EBNA1BP2: variants seen among roughly 807,000 people sequenced by gnomAD.
EBNA1BP2 encodes the protein EBNA1 binding protein 2, also known as probable rRNA-processing protein EBP2.
In EBNA1BP2, 36 loss-of-function variants were observed where a neutral mutation model predicts 43.5. The observed-to-expected ratio is 0.83, with a 90% CI of 0.63 to 1.09. EBNA1BP2 has a LOEUF of 1.09. Among genes scored for constraint, EBNA1BP2 ranks in the 50% least tolerant of loss-of-function variants. EBNA1BP2 has a pLI of 0.00. For synonymous variants in EBNA1BP2, 127 were observed against 141.3 expected, an observed-to-expected ratio of 0.90 and a Z score of 0.72; for missense variants, 332 against 379.1, an observed-to-expected ratio of 0.88 and a Z score of 1.03.
At chr1:43,166,490 T>C (rs1399407190) in intron 7 of EBNA1BP2, among the ~76,000 whole-genome samples, 1 of 152,090 alleles carries the variant, frequency 6.6e-6, no homozygotes, top group Non-Finnish European at 1.5e-5. Context: ...GCACCTGTAG[T>C]TCCAGCTACT....
Position 43,167,227 on chromosome 1 carries a change from C to G in EBNA1BP2, c.546G>C (p.Thr182=). The change falls in exon 6 of 9, where the codon ACG becomes ACC. Residue 182 remains threonine, a synonymous_variant. Coordinates refer to ENST00000236051, the MANE Select transcript of EBNA1BP2 (RefSeq NM_006824.3). ...CCTGCTGCCTCTTCTGAAGAACCTC[C>G]GTTTGCACCTGTGATATGAACACAA... ...ALRKYGKKVQ[T]EVLQKRQQEK... is the part of the protein sequence containing the mutation. 1 of 1,614,094 alleles carries G rather than the reference C, an allele frequency of 6.2e-7. No homozygotes were observed. Among genetic ancestry groups the G allele is most frequent in the Non-Finnish European group, 8.5e-7 (1 of 1,180,016 alleles).
At chr1:43,171,430 C>T (rs1644968851) in intron 3 of EBNA1BP2, 49 bp downstream of exon 3, 11 of 1,567,610 alleles carry the variant, frequency 7.0e-6, no homozygotes, top group African/African-American at 1.4e-5. Flanking sequence ...CTTTCCCACT[C>T]TCCTGCACAA....
Position 43,172,113 on chromosome 1 carries a change from G to T in EBNA1BP2, c.6C>A (p.Asp2Glu), listed in dbSNP as rs1017342574. M[D>E]TPPLSDSESE... The stretch of plus-strand genomic sequence containing the variant: ...ACTCCGAATCCGAGAGCGGGGGAGT[G>T]TCCATCTCGCCGCACGCACGTCCCA... Residue 2 changes from aspartate (D) to glutamate (E), a missense_variant, in exon 1 of 9, where the codon GAC becomes GAA. Coordinates refer to ENST00000236051, the MANE Select transcript of EBNA1BP2 (RefSeq NM_006824.3). 1.9e-6 allele frequency: 3 copies of T among 1,613,974 alleles called. No homozygotes were observed. The African/African-American group carries it at 4.0e-5, about 22-fold the overall frequency.
At chr1:43,164,601 A>C (rs375913443) in intron 8 of EBNA1BP2, 42 bp downstream of exon 8, 5 of 1,613,562 alleles carry the variant, frequency 3.1e-6, no homozygotes, top group Non-Finnish European at 3.4e-6. Flanking sequence ...GTGGGAGGGG[A>C]GGCTGAGCCT....
Position 43,164,757 on chromosome 1 carries a change from T to G in EBNA1BP2, c.756A>C (p.Gly252=), listed in dbSNP as rs1489826447. 1 of 1,614,240 alleles carries G rather than the reference T, an allele frequency of 6.2e-7. No homozygotes were observed. ...RYKNQKFGFG[G]KKKGSKWNTR... ...TGTTCCACTTTGAGCCTTTCTTCTT[T>G]CCACCAAAACCAAACTTCTGGTTTT... Residue 252 remains glycine, a synonymous_variant, in exon 8 of 9, where the codon GGA becomes GGC. Coordinates refer to ENST00000236051, the MANE Select transcript of EBNA1BP2 (RefSeq NM_006824.3).
intron 4 of EBNA1BP2, among the ~76,000 whole-genome samples, chr1:43,169,350 T>G (rs1468992562): frequency 6.6e-6 from 1 of 152,224 alleles, no homozygotes; most frequent in Non-Finnish European, 1.5e-5. Context: ...GAAACCAGTA[T>G]GCGGCCTCAG....
At chr1:43,171,107 A>G in intron 3 of EBNA1BP2, 1 of 551,650 alleles carries the variant, frequency 1.8e-6, no homozygotes, top group African/African-American at 2.0e-5. Flanking sequence ...GTTTAAGAGA[A>G]TGACTACTCT....
intron 4 of EBNA1BP2, among the ~76,000 whole-genome samples, chr1:43,170,268 C>A (rs543804528): frequency 6.6e-6 from 1 of 152,190 alleles, no homozygotes. Context: ...TGTTGGATTA[C>A]ATGCTGGCAA....
At chr1:43,167,283 C>T (rs1233283768) in intron 5 of EBNA1BP2, 48 bp from the exon 6 acceptor site, 1 of 1,552,264 alleles carries the variant, frequency 6.4e-7, no homozygotes, top group Non-Finnish European at 8.9e-7. Context: ...TACCATTACT[C>T]CAGTGTCTAC....
intron 7 of EBNA1BP2, among the ~76,000 whole-genome samples, chr1:43,166,327 G>C (rs1277808025): frequency 2.0e-5 from 3 of 152,168 alleles, no homozygotes; most frequent in African/African-American, 7.2e-5. Context: ...TACCTTCTTA[G>C]GATGGGTGCA....
chr1:43,168,941 T>A lies in EBNA1BP2; in HGVS notation c.535A>T (p.Lys179Ter). The A allele has an allele frequency of 6.2e-7, 1 of 1,614,130 alleles. No individual in the cohort carries two copies. Among genetic ancestry groups the A allele is most frequent in the Non-Finnish European group, 8.5e-7 (1 of 1,180,004 alleles). The change falls in exon 5 of 9, where the codon AAG becomes TAG. Residue 179 changes from lysine to a stop codon, truncating the protein, a stop_gained and splice_region_variant. Transcript: ENST00000236051. LOFTEE classifies it high-confidence loss of function. Reference protein sequence around the residue: ...QLRALRKYGKKVQTEVLQKRQ... With the variant: ...QLRALRKYGK ...TCCCTGCACACTTTTCTTCTCACCT[T>A]CTTCCCGTATTTCCTAAGTGCTCGC...
At position 43,172,210 on chromosome 1, in the gene EBNA1BP2, T is replaced by G; in HGVS notation, c.-92A>C. On this transcript the variant is annotated 5_prime_UTR_variant, in exon 1 of 9. Transcript: ENST00000236051. ...GAGGGCGGCCCTGGCCGCTGCTGCC[T>G]GCCTTCAGCCCCCTACTCCCACGCC... 1 of 1,590,532 alleles carries G rather than the reference T, an allele frequency of 6.3e-7. No homozygotes were observed. The highest frequency in any genetic ancestry group is 8.6e-7 in the Non-Finnish European group (1 of 1,167,646).
chr1:43,166,946 A>G (rs1030179043), intron 6 of EBNA1BP2, 27 bp from the exon 7 acceptor site: 2 of 1,603,754 alleles, frequency 1.2e-6, no homozygotes, highest in Admixed American at 1.7e-5. Flanking sequence ...AGTTTTGATC[A>G]GCACCATTGT....
In EBNA1BP2 at chr1:43,172,132, C is replaced by A. The variant is rs780739872; in HGVS notation, c.-14G>T. 4 of 1,614,134 alleles carry A rather than the reference C, an allele frequency of 2.5e-6. No individual in the cohort carries two copies. Among genetic ancestry groups the A allele is most frequent in the Non-Finnish European group, 3.4e-6 (4 of 1,180,024 alleles). Reference sequence around the variant, plus strand: ...GGGAGTGTCCATCTCGCCGCACGCACGTCCCACACCTACAGGAAGAAACGG... The same window carrying A: ...GGGAGTGTCCATCTCGCCGCACGCAAGTCCCACACCTACAGGAAGAAACGG... On this transcript the variant is annotated 5_prime_UTR_variant, in exon 1 of 9. Transcript: ENST00000236051.
chr1:43,166,031 C>T (rs1037706158), intron 7 of EBNA1BP2, among the ~76,000 whole-genome samples: 5 of 152,192 alleles, frequency 3.3e-5, no homozygotes, highest in Non-Finnish European at 7.3e-5. Context: ...ATTATCATTT[C>T]CCCTAGGCCT....
Position 43,164,419 on chromosome 1 carries a change from G to C in EBNA1BP2, c.*24C>G, listed in dbSNP as rs1644904370. 1.2e-6 allele frequency: 2 copies of C among 1,613,592 alleles called. No homozygotes were observed. Among genetic ancestry groups the C allele is most frequent in the Non-Finnish European group, 1.7e-6 (2 of 1,179,680 alleles). On this transcript the variant is annotated 3_prime_UTR_variant, in exon 9 of 9. Transcript: ENST00000236051. ...TGCGAGTCTTCATTCCTTTTTCTTG[G>C]TTCTTTGTATTCAAAGATGCTATTT... is the stretch of plus-strand genomic sequence containing the variant.
chr1:43,171,500 T>C lies in EBNA1BP2; in HGVS notation c.302A>G (p.Asp101Gly). The C allele has an allele frequency of 6.2e-7, 1 of 1,608,540 alleles. No individual in the cohort carries two copies. Among genetic ancestry groups the C allele is most frequent in the Non-Finnish European group, 8.5e-7 (1 of 1,178,072 alleles). Reference protein sequence around the residue: ...KDQKAVDPEDDFQREMSFYRQ... With the variant: ...KDQKAVDPEDGFQREMSFYRQ... ...ATACAAACTCATCTCTCGCTGGAAG[T>C]CGTCTTCTGGATCAACAGCTTTCTG... The change falls in exon 3 of 9, where the codon GAC becomes GGC. Residue 101 changes from aspartate to glycine, a missense_variant. Around this residue, in one of 3 missense-constraint regions of EBNA1BP2, gnomAD observed 182 missense variants for 173.7 expected, o/e 1.05. Coordinates refer to ENST00000236051, the MANE Select transcript of EBNA1BP2 (RefSeq NM_006824.3).
intron 8 of EBNA1BP2, 48 bp downstream of exon 8, chr1:43,164,595 G>A (rs1644906033): frequency 3.1e-6 from 5 of 1,613,718 alleles, no homozygotes; most frequent in Non-Finnish European, 4.2e-6. Context: ...TTGGGAGTGG[G>A]AGGGGAGGCT....
Position 43,164,329 on chromosome 1 carries a change from T to C in EBNA1BP2, c.*114A>G, listed in dbSNP as rs1644903304. ...ATGTGTTCCTTTAATAATTTTTCTT[T>C]AGTTTATTGAAAGAAATGTTTACAA... is the stretch of plus-strand genomic sequence containing the variant. On this transcript the variant is annotated 3_prime_UTR_variant, in exon 9 of 9. Transcript: ENST00000236051. The C allele has an allele frequency of 5.5e-6, 7 of 1,278,096 alleles. No individual in the cohort carries two copies. The highest frequency in any genetic ancestry group is 7.8e-6 in the Non-Finnish European group (7 of 900,794). 79.2% of individuals were successfully genotyped at this position (1,278,096 alleles called of 1,614,324 possible). A position where few individuals can be genotyped will look rare whatever the true frequency, so the allele number is the denominator to read the frequency against.
Sources: allele counts gnomAD v4.1 joint callset (sites outside exome capture counted in the v4.1 genomes callset), GRCh38; gene constraint gnomAD v4.1.1; regional missense constraint gnomAD v4.1.1; transcripts MANE v1.5; gene names NCBI Gene and HGNC (gene_info 2026-07-23, HGNC 2026-07-21).